ARHGAP24: variants seen among roughly 807,000 people sequenced by gnomAD.
ARHGAP24 encodes rho GTPase-activating protein 24.
A neutral mutation model predicts 76.4 loss-of-function variants in ARHGAP24; 50 were observed. The observed-to-expected ratio is 0.65, with a 90% CI of 0.52 to 0.83. The LOEUF is 0.83. Among genes scored for constraint, ARHGAP24 ranks in the 40% least tolerant of loss-of-function variants. The pLI is 0.00. For synonymous variants in ARHGAP24, 345 were observed against 323.3 expected (o/e 1.07, Z -0.72); for missense variants, 930 against 914.2 (o/e 1.02, Z -0.22).
rs569579370 is a variant in ARHGAP24, at chr4:85,685,236, A to G, written c.181-36649A>G. ...TTCATTAGGTATATTTTTCAACCTT[A>G]TAACTCCTGCCTTGCTGCCAAACAC... On this transcript the variant is annotated intron_variant, in intron 2 of 9. Coordinates refer to ENST00000395184, the MANE Select transcript of ARHGAP24 (RefSeq NM_001025616.3). 4.6e-5 allele frequency among the ~76,000 whole-genome samples: 7 copies of G among 152,302 alleles called. No homozygotes were observed. The East Asian group carries it at 1.2e-3, about 25-fold the overall frequency.
intron 2 of ARHGAP24, among the ~76,000 whole-genome samples, chr4:85,578,018 A>ATTTT (rs1727456570): frequency 6.6e-6 from 1 of 152,140 alleles, no homozygotes; most frequent in Admixed American, 6.5e-5. Flanking sequence ...TTATCTTGGG[A>ATTTT]CCTTACATTT....
intron 1 of ARHGAP24, among the ~76,000 whole-genome samples, chr4:85,549,187 A>G (rs1171026626): frequency 3.3e-5 from 3 of 91,492 alleles, no homozygotes; most frequent in African/African-American, 6.6e-5. Context: ...TGGAATCACT[A>G]AGTCATAGAT....
intron 2 of ARHGAP24, among the ~76,000 whole-genome samples, chr4:85,703,886 C>T (rs1724197764): frequency 6.6e-6 from 1 of 152,086 alleles, no homozygotes. Context: ...AACTATAGAA[C>T]AGTTATGCTA....
chr4:85,747,794 T>C (rs1726106017), intron 3 of ARHGAP24, among the ~76,000 whole-genome samples: 3 of 152,184 alleles, frequency 2.0e-5, no homozygotes, highest in African/African-American at 4.8e-5. Context: ...TAATTTGTAA[T>C]TTTTTAAAAT....
At chr4:85,817,784 G>A (rs1042395390) in intron 3 of ARHGAP24, among the ~76,000 whole-genome samples, 3 of 152,160 alleles carry the variant, frequency 2.0e-5, no homozygotes, top group East Asian at 1.9e-4. Flanking sequence ...ATCTGTCCCA[G>A]TTGTCACTGC....
At chr4:85,781,608 A>G (rs1037242200) in intron 3 of ARHGAP24, among the ~76,000 whole-genome samples, 48 of 144,284 alleles carry the variant, frequency 3.3e-4, no homozygotes, top group Middle Eastern at 3.5e-3. Context: ...TCACTGTAGA[A>G]ATTTTTCCTA....
intron 3 of ARHGAP24, among the ~76,000 whole-genome samples, chr4:85,795,000 T>G (rs992297441): frequency 1.3e-5 from 2 of 152,186 alleles, no homozygotes; most frequent in African/African-American, 4.8e-5. Flanking sequence ...GTATAATGAC[T>G]GGGGAAAAGG....
At chr4:85,922,383 G>T (rs897507474) in intron 3 of ARHGAP24, among the ~76,000 whole-genome samples, 2 of 152,112 alleles carry the variant, frequency 1.3e-5, no homozygotes, top group Non-Finnish European at 2.9e-5. Context: ...TAGTGGGTGT[G>T]GTGCCTGTTG....
chr4:85,582,509 G>T (rs1047780318), intron 2 of ARHGAP24, among the ~76,000 whole-genome samples: 1 of 152,006 alleles, frequency 6.6e-6, no homozygotes, highest in African/African-American at 2.4e-5. Flanking sequence ...GATACAAAAC[G>T]CATGAGATAG....
In ARHGAP24 at chr4:86,001,710, A is replaced by G; in HGVS notation, c.*988A>G. 6.2e-6 allele frequency: 2 copies of G among 325,094 alleles called. No individual in the cohort carries two copies. The highest frequency in any genetic ancestry group is 1.1e-5 in the Non-Finnish European group (2 of 180,444). The allele number at this position is 325,094 out of a possible 1,614,324, so 20.1% of individuals were successfully genotyped here. On this transcript the variant is annotated 3_prime_UTR_variant, in exon 10 of 10. Transcript: ENST00000395184. ...TTTAGAATACCAGCAGTGAAATGGT[A>G]TTACTGTTTCCCTCTGAGTGAAACT...
intron 2 of ARHGAP24, among the ~76,000 whole-genome samples, chr4:85,668,755 A>T (rs532164815): frequency 6.6e-6 from 1 of 152,304 alleles, no homozygotes; most frequent in Non-Finnish European, 1.5e-5. Flanking sequence ...CACGTTAAAG[A>T]GTTGGAACTT....
chr4:85,810,407 G>A (rs528959047), intron 3 of ARHGAP24, among the ~76,000 whole-genome samples: 2 of 152,246 alleles, frequency 1.3e-5, no homozygotes, highest in African/African-American at 2.4e-5. Flanking sequence ...ATGCATCAAC[G>A]TGCTTCATAG....
intron 3 of ARHGAP24, among the ~76,000 whole-genome samples, chr4:85,813,280 A>G (rs1271313943): frequency 1.3e-5 from 2 of 152,186 alleles, no homozygotes; most frequent in African/African-American, 4.8e-5. Context: ...GTTCATTTGA[A>G]TTTCTCCATA....
Position 85,926,472 on chromosome 4 carries a change from C to A in ARHGAP24, c.391+2702C>A, listed in dbSNP as rs1736030887. Among the ~76,000 whole-genome samples, 3 of 151,986 alleles carry A rather than the reference C, an allele frequency of 2.0e-5. No individual in the cohort carries two copies. In the South Asian group the frequency reaches 6.2e-4, roughly 32 times the overall value. On this transcript the variant is annotated intron_variant, in intron 4 of 9. Transcript: ENST00000395184. ...GCTAAAGTTAATAGAGCACACAAAA[C>A]AAAATAGAATGTTAATACTGATAAG... is the stretch of plus-strand genomic sequence containing the variant.
intron 5 of ARHGAP24, among the ~76,000 whole-genome samples, chr4:85,965,263 C>T (rs925612933): frequency 6.6e-6 from 1 of 152,024 alleles, no homozygotes; most frequent in South Asian, 2.1e-4. Context: ...GGCAGACTCC[C>T]CATTTTTAAA....
At chr4:85,988,046 A>T (rs539195845) in intron 8 of ARHGAP24, among the ~76,000 whole-genome samples, 16 of 152,040 alleles carry the variant, frequency 1.1e-4, no homozygotes, top group African/African-American at 3.9e-4. Context: ...AAAATCTATT[A>T]ACCTAGATTT....
At chr4:85,496,807 C>T (rs181968015) in intron 1 of ARHGAP24, among the ~76,000 whole-genome samples, 1 of 152,304 alleles carries the variant, frequency 6.6e-6, no homozygotes, top group African/African-American at 2.4e-5. Context: ...AGGTCAAAAA[C>T]CTTTTGGGAA....
intron 3 of ARHGAP24, among the ~76,000 whole-genome samples, chr4:85,763,924 C>T (rs1726830026): frequency 1.3e-5 from 2 of 152,120 alleles, no homozygotes; most frequent in Admixed American, 6.6e-5. Context: ...TTGATATTTA[C>T]ATTAACATTG....
At chr4:85,826,091 G>T (rs1230719044) in intron 3 of ARHGAP24, among the ~76,000 whole-genome samples, 1 of 152,060 alleles carries the variant, frequency 6.6e-6, no homozygotes, top group Non-Finnish European at 1.5e-5. Flanking sequence ...TCATAAGACG[G>T]GTGGCCACAT....
Sources: allele counts gnomAD v4.1 joint callset (sites outside exome capture counted in the v4.1 genomes callset), GRCh38; gene constraint gnomAD v4.1.1; transcripts MANE v1.5; gene names NCBI Gene and HGNC (gene_info 2026-07-23, HGNC 2026-07-21).